FBLN1: variants seen among roughly 807,000 people sequenced by gnomAD.
FBLN1 encodes fibulin 1.
FBLN1 carries 34 observed loss-of-function variants against 89.7 expected under a neutral mutation model. That is an observed-to-expected ratio of 0.38 (90% CI 0.29 to 0.50). The LOEUF (loss-of-function observed/expected upper bound fraction) is 0.50, where lower values mean the gene tolerates loss of function less well. FBLN1 is among the 20% of genes least tolerant of loss of function. The probability of loss-of-function intolerance (pLI) is 0.92; values close to 1 mark genes in which losing one functional copy is unlikely to be tolerated. For missense variants in FBLN1, 777 were observed against 988.1 expected (o/e 0.79, Z 2.86); for synonymous variants, 393 against 391.3 (o/e 1.00, Z -0.05).
chr22:45,526,646 TCTC>T (rs1437700732), intron 3 of FBLN1, among the ~76,000 whole-genome samples: 1 of 152,208 alleles, frequency 6.6e-6, no homozygotes, highest in Non-Finnish European at 1.5e-5. Flanking sequence ...TTGTGGGGAT[TCTC>T]CACATAGATT....
At position 45,576,769 on chromosome 22, in the gene FBLN1, G is replaced by T. The variant is rs1352333915; in HGVS notation, c.1841-208G>T. Reference sequence around the variant, plus strand: ...ATCTCTCCTGACTTCAGTTTCCCCTGCTATAAAACAGGGATGGGCTATGAT... The same window carrying T: ...ATCTCTCCTGACTTCAGTTTCCCCTTCTATAAAACAGGGATGGGCTATGAT... On this transcript the variant is annotated intron_variant, in intron 15 of 16. Transcript: ENST00000327858. The surrounding 1 kb of genome is among the most constrained non-coding windows in gnomAD (Gnocchi z 5.2). 1.3e-5 allele frequency among the ~76,000 whole-genome samples: 2 copies of T among 152,126 alleles called. No homozygotes were observed. The highest frequency in any genetic ancestry group is 2.4e-5 in the African/African-American group (1 of 41,406).
At position 45,525,592 on chromosome 22, in the gene FBLN1, G is replaced by A. The variant is rs1292358578; in HGVS notation, c.235G>A (p.Ala79Thr). The change falls in exon 3 of 17, where the codon GCC becomes ACC. Residue 79 changes from alanine to threonine, a missense_variant. By Grantham distance (58) the Ala-to-Thr change is moderately conservative. Transcript: ENST00000327858. ...CHSQLEELHCATGISLANEQD... is the reference protein window; with the variant it reads ...CHSQLEELHCTTGISLANEQD... ...CAGCCAGCTGGAGGAGCTGCACTGT[G>A]CCACGGGCATCAGCCTGGCCAACGA... is the stretch of plus-strand genomic sequence containing the variant. 6.4e-7 allele frequency: 1 copy of A among 1,550,444 alleles called. No homozygotes were observed. Among genetic ancestry groups the A allele is most frequent in the South Asian group, 1.2e-5 (1 of 84,024 alleles).
chr22:45,528,294 G>A (rs928617106), intron 4 of FBLN1, among the ~76,000 whole-genome samples: 2 of 152,114 alleles, frequency 1.3e-5, no homozygotes, highest in Non-Finnish European at 2.9e-5. Context: ...GCCCACCCAT[G>A]GTATGAAGAT....
At chr22:45,506,816 G>T (rs928928223) in intron 1 of FBLN1, among the ~76,000 whole-genome samples, 1 of 152,178 alleles carries the variant, frequency 6.6e-6, no homozygotes, top group Admixed American at 6.5e-5. Context: ...CTTTAAGCCC[G>T]GGCTCTGAGC....
At chr22:45,546,696 G>A (rs2088632865) in intron 11 of FBLN1, among the ~76,000 whole-genome samples, 1 of 152,214 alleles carries the variant, frequency 6.6e-6, no homozygotes, top group African/African-American at 2.4e-5. Context: ...TATGGGCTGG[G>A]TGGCCGAGGA....
intron 2 of FBLN1, among the ~76,000 whole-genome samples, chr22:45,519,166 A>G (rs1424012855): frequency 6.6e-6 from 1 of 152,224 alleles, no homozygotes; most frequent in East Asian, 1.9e-4. Flanking sequence ...CGGACCACCT[A>G]CAGACCCCAA....
In FBLN1 at chr22:45,572,319, A is replaced by G. The variant is rs1335942914; in HGVS notation, c.1698-2192A>G. ...CTGGGCCAAAAGGACCCAGGAGCCA[A>G]CTTCATTTTCCCTCTGGCAAGAGAT... On this transcript the variant is annotated intron_variant, in intron 14 of 16. Transcript: ENST00000327858. This position sits in a 1 kb window ranked among gnomAD's most constrained non-coding sequence, Gnocchi z 5.8. 6.6e-6 allele frequency among the ~76,000 whole-genome samples: 1 copy of G among 152,176 alleles called. No individual in the cohort carries two copies. Among genetic ancestry groups the G allele is most frequent in the African/African-American group, 2.4e-5 (1 of 41,450 alleles).
intron 3 of FBLN1, among the ~76,000 whole-genome samples, chr22:45,526,006 A>G (rs2088323075): frequency 6.6e-6 from 1 of 152,100 alleles, no homozygotes; most frequent in Admixed American, 6.5e-5. Context: ...GGGCTTCCAG[A>G]ATCTTCTTCT....
chr22:45,593,211 C>CTTT (rs1221665160), intron 16 of FBLN1, among the ~76,000 whole-genome samples: 2 of 127,114 alleles, frequency 1.6e-5, no homozygotes, highest in African/African-American at 5.9e-5. Flanking sequence ...GAGAGACAAT[C>CTTT]AAGTGCAACA....
chr22:45,529,904 G>A (rs2088381344), intron 4 of FBLN1, among the ~76,000 whole-genome samples: 1 of 152,020 alleles, frequency 6.6e-6, no homozygotes, highest in African/African-American at 2.4e-5. Flanking sequence ...GTGGGGAGGT[G>A]CCGGAAGGGG....
chr22:45,533,248 C>T (rs1392601117), intron 6 of FBLN1, 84 bp downstream of exon 6: 25 of 1,237,842 alleles, frequency 2.0e-5, no homozygotes, highest in Non-Finnish European at 5.9e-6. Flanking sequence ...CCAGGGCCTG[C>T]CTTCTACAAC....
At chr22:45,554,162 G>A (rs762370970) in intron 14 of FBLN1, among the ~76,000 whole-genome samples, 19 of 152,268 alleles carry the variant, frequency 1.2e-4, no homozygotes, top group Non-Finnish European at 2.5e-4. Flanking sequence ...GACGATGGGA[G>A]ACAGTGGAGG....
At chr22:45,507,870 G>T (rs1231717304) in intron 1 of FBLN1, among the ~76,000 whole-genome samples, 1 of 152,174 alleles carries the variant, frequency 6.6e-6, no homozygotes, top group African/African-American at 2.4e-5. Context: ...GAGTGAAAAG[G>T]TCCTGTGAGT....
rs1920925560 is a variant in FBLN1, at chr22:45,600,577, A to T, written c.*131A>T. The T allele has an allele frequency of 9.4e-7, 1 of 1,059,804 alleles. No homozygotes were observed. The highest frequency in any genetic ancestry group is 1.7e-5 in the Admixed American group (1 of 58,614). The allele number at this position is 1,059,804 out of a possible 1,614,324, so 65.7% of individuals were successfully genotyped here. A position where few individuals can be genotyped will look rare whatever the true frequency, so the allele number is the denominator to read the frequency against. On this transcript the variant is annotated 3_prime_UTR_variant, in exon 17 of 17. Coordinates refer to ENST00000327858, the MANE Select transcript of FBLN1 (RefSeq NM_006486.3). ...TATTTGTAGCATTAGGCCAACATGT[A>T]TTAAGCTGAGCCAGATGAATAAGTC...
intron 2 of FBLN1, among the ~76,000 whole-genome samples, chr22:45,520,640 G>A (rs954741743): frequency 6.6e-6 from 1 of 152,178 alleles, no homozygotes; most frequent in Non-Finnish European, 1.5e-5. Flanking sequence ...TTAATACTTA[G>A]TGAAATAAAA....
At chr22:45,510,292 C>T (rs1331005220) in intron 1 of FBLN1, among the ~76,000 whole-genome samples, 1 of 152,132 alleles carries the variant, frequency 6.6e-6, no homozygotes, top group Non-Finnish European at 1.5e-5. Context: ...CTGGATCCTG[C>T]TTTGCTTTCA....
rs2089109161 is a variant in FBLN1 at position 45,588,701 on chromosome 22, T to C, written c.1972+11593T>C. 6.6e-6 allele frequency among the ~76,000 whole-genome samples: 1 copy of C among 152,186 alleles called. No homozygotes were observed. Among genetic ancestry groups the C allele is most frequent in the South Asian group, 2.1e-4 (1 of 4,822 alleles). On this transcript the variant is annotated intron_variant, in intron 16 of 16. Coordinates refer to ENST00000327858, the MANE Select transcript of FBLN1 (RefSeq NM_006486.3). The surrounding 1 kb of genome is among the most constrained non-coding windows in gnomAD (Gnocchi z 5.1). ...ATTTGTGACCCTCTTAGGCTGCTGG[T>C]CTGCACCTTCTGAAAAGCCTTTAAT... is the stretch of plus-strand genomic sequence containing the variant.
chr22:45,523,896 A>G (rs2088284748), intron 2 of FBLN1, among the ~76,000 whole-genome samples: 2 of 152,130 alleles, frequency 1.3e-5, no homozygotes, highest in African/African-American at 4.8e-5. Flanking sequence ...TTCCATTCCC[A>G]CCAGCAATGC....
intron 2 of FBLN1, among the ~76,000 whole-genome samples, chr22:45,519,174 C>CA (rs1470080730): frequency 2.6e-5 from 4 of 152,160 alleles, no homozygotes; most frequent in African/African-American, 9.7e-5. Context: ...CTACAGACCC[C>CA]AAAAATGCCA....
Sources: gnomAD v4.1 joint callset for allele counts (sites outside exome capture counted in the v4.1 genomes callset) on GRCh38, gnomAD v4.1.1 for gene constraint, Gnocchi (gnomAD v3.1) non-coding constraint, MANE v1.5 for transcripts, NCBI Gene and HGNC (gene_info 2026-07-23, HGNC 2026-07-21) for gene names.